LRRC63: variants seen among roughly 807,000 people sequenced by gnomAD.
LRRC63 encodes the protein leucine rich repeat containing 63, also known as leucine-rich repeat-containing protein 63.
A neutral mutation model predicts 49.5 loss-of-function variants in LRRC63; 40 were observed. The observed-to-expected ratio is 0.81, with a 90% confidence interval of 0.63 to 1.05. The LOEUF (loss-of-function observed/expected upper bound fraction) is 1.05, where lower values mean the gene tolerates loss of function less well. LRRC63 is among the 50% of genes least tolerant of loss of function. The pLI is 0.00. For missense variants in LRRC63, 636 were observed against 663.1 expected (o/e 0.96, Z 0.45); for synonymous variants, 191 against 221.1 (o/e 0.86, Z 1.21).
Position 46,272,978 on chromosome 13 carries a change from T to G in LRRC63, c.1551-3612T>G, listed in dbSNP as rs76535810. Reference sequence around the variant, plus strand: ...ATTCTAGGGAGAGGAGTTCCAGTGATTGAAGAGAGGAATAAGCAGGAATCT... The same window carrying G: ...ATTCTAGGGAGAGGAGTTCCAGTGAGTGAAGAGAGGAATAAGCAGGAATCT... On this transcript the variant is annotated intron_variant, in intron 9 of 9. Transcript: ENST00000595396. Among the ~76,000 whole-genome samples the G allele has an allele frequency of 8.8e-3, 1,335 of 152,280 alleles. 20 individuals are homozygous for G. Among genetic ancestry groups the G allele is most frequent in the African/African-American group, 0.031 (1,285 of 41,542 alleles).
chr13:46,222,222 T>C (rs1288797008), intron 2 of LRRC63, among the ~76,000 whole-genome samples: 1 of 152,174 alleles, frequency 6.6e-6, no homozygotes, highest in African/African-American at 2.4e-5. Context: ...ATTTTTTTTT[T>C]CCTGTTGAGT....
intron 9 of LRRC63, among the ~76,000 whole-genome samples, chr13:46,276,085 G>T (rs1340117160): frequency 6.6e-6 from 1 of 151,910 alleles, no homozygotes; most frequent in Middle Eastern, 3.2e-3. Flanking sequence ...GTCTATTCCT[G>T]TACTAATGTT....
intron 7 of LRRC63, among the ~76,000 whole-genome samples, chr13:46,255,074 T>C (rs2047475449): frequency 6.6e-6 from 1 of 152,202 alleles, no homozygotes; most frequent in African/African-American, 2.4e-5. Context: ...CATAGAACAT[T>C]ATTCATCTTG....
chr13:46,227,964 C>T (rs753346836), exon 3 of LRRC63: 4 of 1,550,856 alleles, frequency 2.6e-6, no homozygotes, highest in Non-Finnish European at 3.5e-6. Flanking sequence ...TAAGCATCAA[C>T]CTTTACCAGA....
At chr13:46,255,661 T>TAC (rs1281070241) in intron 7 of LRRC63, among the ~76,000 whole-genome samples, 1 of 147,414 alleles carries the variant, frequency 6.8e-6, no homozygotes, top group Non-Finnish European at 1.5e-5. Flanking sequence ...TATATATATA[T>TAC]ATATAGTTAT....
intron 8 of LRRC63, among the ~76,000 whole-genome samples, chr13:46,263,364 G>T (rs573882154): frequency 2.3e-4 from 35 of 151,792 alleles, no homozygotes; most frequent in Admixed American, 5.3e-4. Flanking sequence ...TTGTAGAGAT[G>T]GGGGTCTCAC....
intron 9 of LRRC63, among the ~76,000 whole-genome samples, chr13:46,273,454 T>C (rs966117548): frequency 2.0e-5 from 3 of 151,456 alleles, no homozygotes; most frequent in Admixed American, 6.6e-5. Flanking sequence ...TACAAAAAAT[T>C]AGCGGGGCGT....
chr13:46,223,272 T>A, intron 2 of LRRC63, among the ~76,000 whole-genome samples: 1 of 152,132 alleles, frequency 6.6e-6, no homozygotes, highest in Non-Finnish European at 1.5e-5. Context: ...CCAGTGTCAG[T>A]TCTTGTCAGT....
At chr13:46,228,179 G>A in exon 3 of LRRC63, 1 of 1,544,290 alleles carries the variant, frequency 6.5e-7, no homozygotes, top group Non-Finnish European at 8.7e-7. Flanking sequence ...CTCACAGGCA[G>A]TCTGTGATAG....
At chr13:46,213,017 C>T (rs958230318) in exon 2 of LRRC63, 3 of 1,490,952 alleles carry the variant, frequency 2.0e-6, no homozygotes, top group Non-Finnish European at 2.7e-6. Flanking sequence ...TGAAAAACAG[C>T]ACTTATTATT....
At chr13:46,276,842 A>ATATT (rs1248942763) in exon 10 of LRRC63, 1 of 150,730 alleles carries the variant, frequency 6.6e-6, no homozygotes, top group African/African-American at 3.1e-5. Context: ...ATATATATAT[A>ATATT]TATATATATT....
chr13:46,261,557 G>A (rs774018682), intron 7 of LRRC63, among the ~76,000 whole-genome samples: 9 of 152,100 alleles, frequency 5.9e-5, no homozygotes, highest in South Asian at 4.1e-4. Flanking sequence ...GACTTCTGGC[G>A]CCCTGAACTG....
rs530206006 is a variant in LRRC63, at chr13:46,274,474, G to A, written c.1551-2116G>A. Among the ~76,000 whole-genome samples the A allele has an allele frequency of 5.9e-5, 9 of 152,286 alleles. No individual in the cohort carries two copies. In the South Asian group the frequency reaches 1.9e-3, roughly 32 times the overall value. ...TAGGCTTGCACTAAAGTCACTCTAA[G>A]CTCAGCTACTGCTGTCACTCCAATG... On this transcript the variant is annotated intron_variant, in intron 9 of 9. Coordinates refer to ENST00000595396, the Ensembl canonical transcript of LRRC63.
intron 5 of LRRC63, among the ~76,000 whole-genome samples, chr13:46,235,128 C>T (rs560514821): frequency 2.1e-4 from 32 of 152,144 alleles, no homozygotes; most frequent in African/African-American, 7.5e-4. Flanking sequence ...CCTCTAAATG[C>T]AGTACAAGCA....
At chr13:46,266,898 T>C (rs775734676) in exon 9 of LRRC63, 22 of 1,548,848 alleles carry the variant, frequency 1.4e-5, no homozygotes, top group Non-Finnish European at 1.9e-5. Flanking sequence ...AAATTATTTC[T>C]TTGTTCATTG....
intron 8 of LRRC63, among the ~76,000 whole-genome samples, chr13:46,262,792 T>G (rs747953959): frequency 1.4e-4 from 22 of 152,220 alleles, no homozygotes; most frequent in Non-Finnish European, 2.6e-4. Context: ...TTTCCACTTG[T>G]TTCTAATTAT....
intron 7 of LRRC63, among the ~76,000 whole-genome samples, chr13:46,252,430 C>T (rs2047407619): frequency 6.6e-6 from 1 of 152,030 alleles, no homozygotes; most frequent in African/African-American, 2.4e-5. Flanking sequence ...AGCAATTGCA[C>T]TGATACACTT....
At chr13:46,269,792 ATATATAT>A (rs922716979) in intron 9 of LRRC63, among the ~76,000 whole-genome samples, 1 of 148,160 alleles carries the variant, frequency 6.7e-6, no homozygotes, top group African/African-American at 2.5e-5. Context: ...TGAATAATAT[ATATATAT>A]TATATATATA....
intron 5 of LRRC63, among the ~76,000 whole-genome samples, chr13:46,237,355 AT>A (rs1170309285): frequency 6.6e-6 from 1 of 152,166 alleles, no homozygotes; most frequent in Non-Finnish European, 1.5e-5. Flanking sequence ...GGTGTGAACT[AT>A]AATGTAAACT....
Sources: allele counts gnomAD v4.1 joint callset (sites outside exome capture counted in the v4.1 genomes callset), GRCh38; gene constraint gnomAD v4.1.1; transcripts MANE v1.5; gene names NCBI Gene and HGNC (gene_info 2026-07-23, HGNC 2026-07-21).